The following STK32B variants were observed in gnomAD, a reference collection of about 807,000 sequenced individuals.
The protein encoded by STK32B is serine/threonine-protein kinase 32B.
A neutral mutation model predicts 52.6 loss-of-function variants in STK32B; 43 were observed. The observed-to-expected ratio is 0.82, with a 90% CI of 0.64 to 1.05. The LOEUF (loss-of-function observed/expected upper bound fraction) is 1.05. Among genes scored for constraint, STK32B ranks in the 50% least tolerant of loss-of-function variants. The pLI is 0.00. For synonymous variants in STK32B, 238 were observed against 204.3 expected, an observed-to-expected ratio of 1.17 and a Z score of -1.41; for missense variants, 621 against 534.6, an observed-to-expected ratio of 1.16 and a Z score of -1.59.
rs1249420247 is a variant in STK32B at position 5,400,162 on chromosome 4, C to A, written c.472+1918C>A. Among the ~76,000 whole-genome samples the A allele has an allele frequency of 6.6e-6, 1 of 152,240 alleles. No individual in the cohort carries two copies. Among genetic ancestry groups the A allele is most frequent in the Admixed American group, 6.5e-5 (1 of 15,288 alleles). On this transcript the variant is annotated intron_variant, in intron 5 of 11. Transcript: ENST00000282908. The surrounding 1 kb of genome is among the most constrained non-coding windows in gnomAD (Gnocchi z 6.1). The stretch of plus-strand genomic sequence containing the variant: ...CCCAGGACTGCCTGGCTTCATAGTT[C>A]TGGCTCCATCCTCACAGACCTTGGC...
chr4:5,173,780 G>T (rs1022577187), intron 3 of STK32B, among the ~76,000 whole-genome samples: 2 of 152,206 alleles, frequency 1.3e-5, no homozygotes, highest in Non-Finnish European at 2.9e-5. Flanking sequence ...TGTATATTCT[G>T]TTGATTTGGG....
intron 3 of STK32B, among the ~76,000 whole-genome samples, chr4:5,195,768 TA>T (rs1328134560): frequency 6.6e-6 from 1 of 152,182 alleles, no homozygotes; most frequent in Non-Finnish European, 1.5e-5. Context: ...TGGGAAGGCT[TA>T]ACAACATCAC....
intron 7 of STK32B, among the ~76,000 whole-genome samples, chr4:5,447,787 C>T (rs138808396): frequency 5.3e-5 from 8 of 152,320 alleles, no homozygotes; most frequent in African/African-American, 1.7e-4. Context: ...GTCTATTTAG[C>T]GGAGCTGGAG....
chr4:5,497,712 A>G (rs113263322), intron 11 of STK32B, among the ~76,000 whole-genome samples: 4 of 47,348 alleles, frequency 8.4e-5, no homozygotes, highest in Non-Finnish European at 1.3e-4. Context: ...CACTGTGCGC[A>G]CACACACACA....
At chr4:5,457,023 C>A in intron 8 of STK32B, 100 bp downstream of exon 8, 1 of 850,886 alleles carries the variant, frequency 1.2e-6, no homozygotes, top group South Asian at 2.2e-5. Flanking sequence ...ATGGCATACT[C>A]GGGGTAGAGA....
chr4:5,383,711 ACAGGTGATGAGGCAT>A (rs1736070832), intron 4 of STK32B, among the ~76,000 whole-genome samples: 2 of 152,160 alleles, frequency 1.3e-5, no homozygotes, highest in African/African-American at 4.8e-5. Context: ...CCCTGAAAAG[ACAGGTGATGAGGCAT>A]CAGCAGGGGC....
At chr4:5,190,896 T>A in intron 3 of STK32B, among the ~76,000 whole-genome samples, 1 of 152,108 alleles carries the variant, frequency 6.6e-6, no homozygotes, top group Non-Finnish European at 1.5e-5. Context: ...CAGGGCCACA[T>A]AGTTTGCAGG....
At chr4:5,311,520 A>T (rs1176674847) in intron 3 of STK32B, among the ~76,000 whole-genome samples, 2 of 152,184 alleles carry the variant, frequency 1.3e-5, no homozygotes, top group African/African-American at 4.8e-5. Context: ...AATATTTAAG[A>T]AAGTTGATCA....
chr4:5,317,207 T>C (rs1220400371), intron 3 of STK32B, among the ~76,000 whole-genome samples: 2 of 59,794 alleles, frequency 3.3e-5, no homozygotes, highest in African/African-American at 2.8e-4. Flanking sequence ...ATATATTATA[T>C]ATATAACATA....
chr4:5,452,533 C>T (rs997551872), intron 7 of STK32B, among the ~76,000 whole-genome samples: 2 of 152,142 alleles, frequency 1.3e-5, no homozygotes, highest in Admixed American at 6.5e-5. Flanking sequence ...CTCTAGGACC[C>T]TGCAGAGATG....
chr4:5,163,654 A>C (rs951882841), intron 2 of STK32B, among the ~76,000 whole-genome samples: 1 of 151,936 alleles, frequency 6.6e-6, no homozygotes, highest in Non-Finnish European at 1.5e-5. Context: ...CATTTTCTGA[A>C]GGCAAAAGAA....
intron 3 of STK32B, among the ~76,000 whole-genome samples, chr4:5,276,992 T>C (rs750993209): frequency 6.6e-6 from 1 of 152,260 alleles, no homozygotes; most frequent in Non-Finnish European, 1.5e-5. Context: ...CCACTGAAGA[T>C]GAACGCCAGA....
chr4:5,245,492 A>G (rs1178667380), intron 3 of STK32B, among the ~76,000 whole-genome samples: 1 of 152,126 alleles, frequency 6.6e-6, no homozygotes, highest in African/African-American at 2.4e-5. Flanking sequence ...GGTTTCCTGA[A>G]TACAGGACAC....
At chr4:5,146,402 A>T (rs1716917946) in intron 2 of STK32B, among the ~76,000 whole-genome samples, 1 of 152,212 alleles carries the variant, frequency 6.6e-6, no homozygotes, top group African/African-American at 2.4e-5. Context: ...TTGAAGTCTG[A>T]TGTTGTAGGG....
chr4:5,263,340 A>T (rs1018554464), intron 3 of STK32B, among the ~76,000 whole-genome samples: 4 of 149,746 alleles, frequency 2.7e-5, no homozygotes, highest in African/African-American at 9.9e-5. Context: ...GTCCCAGCTG[A>T]TGATAAGATC....
chr4:5,328,171 G>C (rs1357141333), intron 3 of STK32B, among the ~76,000 whole-genome samples: 1 of 152,206 alleles, frequency 6.6e-6, no homozygotes, highest in East Asian at 1.9e-4. Flanking sequence ...TAGCTGATTT[G>C]ATCTTCTGTC....
intron 1 of STK32B, among the ~76,000 whole-genome samples, chr4:5,065,806 C>A (rs1262521609): frequency 6.6e-6 from 1 of 152,194 alleles, no homozygotes; most frequent in Non-Finnish European, 1.5e-5. Flanking sequence ...TCACTGCAAC[C>A]TCTGCCTCCC....
chr4:5,441,487 C>A (rs1271577997), intron 6 of STK32B, among the ~76,000 whole-genome samples: 1 of 150,808 alleles, frequency 6.6e-6, no homozygotes, highest in Non-Finnish European at 1.5e-5. Context: ...CTATTTGATT[C>A]TTCTCTTTTT....
chr4:5,311,265 A>G (rs1424375498), intron 3 of STK32B, among the ~76,000 whole-genome samples: 1 of 152,224 alleles, frequency 6.6e-6, no homozygotes, highest in Non-Finnish European at 1.5e-5. Context: ...AACCTTTGAG[A>G]TGATGCTTAT....
Sources: allele counts gnomAD v4.1 joint callset (sites outside exome capture counted in the v4.1 genomes callset), GRCh38; gene constraint gnomAD v4.1.1; non-coding constraint Gnocchi (gnomAD v3.1); transcripts MANE v1.5; gene names NCBI Gene and HGNC (gene_info 2026-07-23, HGNC 2026-07-21).